The following ODAD2 variants were observed in gnomAD, a reference collection of about 807,000 sequenced individuals.
ODAD2 encodes the protein outer dynein arm-docking complex subunit 2.
ODAD2 carries 89 observed loss-of-function variants against 106.8 expected under a neutral mutation model. The ratio of observed to expected loss-of-function variants is 0.83; its 90% CI spans 0.70 to 0.99. The LOEUF (loss-of-function observed/expected upper bound fraction) is 0.99, where lower values mean the gene tolerates loss of function less well. ODAD2 is among the 50% of genes least tolerant of loss of function. The probability of loss-of-function intolerance (pLI) is 0.00; values close to 1 mark genes in which losing one functional copy is unlikely to be tolerated. For synonymous variants in ODAD2, 404 were observed against 436.2 expected (o/e 0.93, Z 0.92); for missense variants, 1,168 against 1,238.5 (o/e 0.94, Z 0.85).
chr10:27,839,867 C>T (rs1433176896), intron 19 of ODAD2, among the ~76,000 whole-genome samples: 4 of 152,154 alleles, frequency 2.6e-5, no homozygotes, highest in South Asian at 4.1e-4. Context: ...TATAATAGTA[C>T]ACCTCCTATA....
intron 17 of ODAD2, among the ~76,000 whole-genome samples, chr10:27,903,638 A>G (rs1002338848): frequency 2.0e-5 from 3 of 152,232 alleles, no homozygotes; most frequent in Non-Finnish European, 4.4e-5. Flanking sequence ...AGTCATAAGC[A>G]TTCCTATACA....
intron 19 of ODAD2, among the ~76,000 whole-genome samples, chr10:27,847,880 C>T (rs941179178): frequency 1.3e-5 from 2 of 152,152 alleles, no homozygotes; most frequent in Non-Finnish European, 2.9e-5. Context: ...TGAAGGTACT[C>T]TTCAAGGAGA....
At chr10:27,962,207 A>C (rs1275511715) in intron 9 of ODAD2, among the ~76,000 whole-genome samples, 3 of 152,248 alleles carry the variant, frequency 2.0e-5, no homozygotes, top group African/African-American at 7.2e-5. Context: ...GAATGTCCTA[A>C]GCCTGCGCTT....
At chr10:27,888,133 T>C (rs1198273408) in intron 17 of ODAD2, among the ~76,000 whole-genome samples, 2 of 152,096 alleles carry the variant, frequency 1.3e-5, no homozygotes, top group Non-Finnish European at 2.9e-5. Flanking sequence ...TACAAGTACA[T>C]GTATCTTTTT....
At chr10:27,900,328 A>T (rs1843114223) in intron 17 of ODAD2, among the ~76,000 whole-genome samples, 1 of 152,200 alleles carries the variant, frequency 6.6e-6, no homozygotes, top group Non-Finnish European at 1.5e-5. Context: ...AACCTCAAAG[A>T]CCAAAGGTAG....
At chr10:27,972,326 T>A (rs996416923) in intron 7 of ODAD2, among the ~76,000 whole-genome samples, 1 of 152,030 alleles carries the variant, frequency 6.6e-6, no homozygotes, top group Non-Finnish European at 1.5e-5. Context: ...GGAATCATTT[T>A]AAAAAGCTCA....
intron 10 of ODAD2, among the ~76,000 whole-genome samples, chr10:27,951,751 A>C (rs1446843296): frequency 6.6e-6 from 1 of 152,162 alleles, no homozygotes; most frequent in Non-Finnish European, 1.5e-5. Flanking sequence ...AAGAAATAGA[A>C]GATATTTATT....
At chr10:27,998,167 GA>G (rs750299934) in intron 1 of ODAD2, among the ~76,000 whole-genome samples, 14 of 152,352 alleles carry the variant, frequency 9.2e-5, no homozygotes, top group South Asian at 6.2e-4. Context: ...TGAGATCTAT[GA>G]AATGTGGTTG....
chr10:27,880,897 G>C lies in ODAD2; in HGVS notation c.2611-18275C>G, dbSNP rs531047529. ...CCAATTGATTCAGAATGTATTCATT[G>C]GTGGGTGGGAATGGAAGGCAGCATC... On this transcript the variant is annotated intron_variant, in intron 17 of 19. Coordinates refer to ENST00000305242, the MANE Select transcript of ODAD2 (RefSeq NM_018076.5). Among the ~76,000 whole-genome samples the C allele has an allele frequency of 2.6e-5, 4 of 152,276 alleles. No homozygotes were observed. The South Asian group carries it at 8.3e-4, about 32-fold the overall frequency.
At chr10:27,920,556 C>T (rs762269366) in intron 16 of ODAD2, among the ~76,000 whole-genome samples, 3 of 152,144 alleles carry the variant, frequency 2.0e-5, no homozygotes, top group Non-Finnish European at 2.9e-5. Flanking sequence ...AAATGATTCA[C>T]ATAATTACTC....
intron 19 of ODAD2, among the ~76,000 whole-genome samples, chr10:27,820,412 A>G (rs537587981): frequency 9.9e-5 from 15 of 151,936 alleles, no homozygotes; most frequent in Non-Finnish European, 2.1e-4. Flanking sequence ...GCATAAACCA[A>G]TGGACTGTGA....
At chr10:27,893,062 G>A (rs887662951) in intron 17 of ODAD2, among the ~76,000 whole-genome samples, 3 of 152,090 alleles carry the variant, frequency 2.0e-5, no homozygotes, top group African/African-American at 7.2e-5. Context: ...GGGAGGCTGA[G>A]GCAGGAGAAT....
intron 16 of ODAD2, among the ~76,000 whole-genome samples, chr10:27,924,614 GAAAAA>G (rs60226782): frequency 0.087 from 1,098 of 12,606 alleles, 20 homozygotes; most frequent in East Asian, 0.29. Context: ...TGATTAGGAG[GAAAAA>G]AAAAAAAAAA....
At chr10:27,947,181 A>T (rs547308466) in intron 10 of ODAD2, among the ~76,000 whole-genome samples, 2 of 152,336 alleles carry the variant, frequency 1.3e-5, no homozygotes, top group South Asian at 4.1e-4. Context: ...TATGAATTTT[A>T]AAAATCCTCT....
rs113548196 is a variant in ODAD2, at chr10:27,963,031, G to A, written c.1239-1316C>T. The stretch of plus-strand genomic sequence containing the variant: ...GTGTACTTTTTTTTTTTTTTTAGAC[G>A]AGATCTCGCTCTGTCACCCAGGCTG... On this transcript the variant is annotated intron_variant, in intron 9 of 19. Coordinates refer to ENST00000305242, the MANE Select transcript of ODAD2 (RefSeq NM_018076.5). Among the ~76,000 whole-genome samples, 458 of 146,946 alleles carry A rather than the reference G, an allele frequency of 3.1e-3. 5 individuals are homozygous for A. Among genetic ancestry groups the A allele is most frequent in the African/African-American group, 0.011 (441 of 39,700 alleles).
At chr10:27,857,678 C>T (rs1017183974) in intron 19 of ODAD2, among the ~76,000 whole-genome samples, 1 of 152,224 alleles carries the variant, frequency 6.6e-6, no homozygotes, top group African/African-American at 2.4e-5. Flanking sequence ...TCAGACCCTG[C>T]TCCGTCACTG....
intron 16 of ODAD2, among the ~76,000 whole-genome samples, chr10:27,911,432 A>G (rs1844006487): frequency 6.6e-6 from 1 of 152,196 alleles, no homozygotes; most frequent in African/African-American, 2.4e-5. Flanking sequence ...AGAATTTGCA[A>G]ATAATGAGGA....
intron 3 of ODAD2, among the ~76,000 whole-genome samples, chr10:27,986,796 G>T (rs1849899046): frequency 6.6e-6 from 1 of 151,584 alleles, no homozygotes. Flanking sequence ...AGATGATAGT[G>T]TGAACATCAC....
chr10:27,830,970 TTGTTCTATCAGGTAGAGATAC>T (rs1237128922), intron 19 of ODAD2, among the ~76,000 whole-genome samples: 1 of 152,214 alleles, frequency 6.6e-6, no homozygotes, highest in Non-Finnish European at 1.5e-5. Context: ...CCTTTTTCCT[TTGTTCTATCAGGTAGAGATAC>T]TGCTGATCAG....
Sources: gnomAD v4.1 joint callset for allele counts (sites outside exome capture counted in the v4.1 genomes callset) on GRCh38, gnomAD v4.1.1 for gene constraint, MANE v1.5 for transcripts, NCBI Gene and HGNC (gene_info 2026-07-23, HGNC 2026-07-21) for gene names.